ACKR2: variants seen among roughly 807,000 people sequenced by gnomAD.
The protein encoded by ACKR2 is C-C chemokine receptor D6.
For synonymous variants in ACKR2, 207 were observed against 192.2 expected, an observed-to-expected ratio of 1.08 and a Z score of -0.64; for missense variants, 457 against 477.3, an observed-to-expected ratio of 0.96 and a Z score of 0.40.
chr3:42,850,063 A>G (rs953540177), intron 2 of ACKR2, among the ~76,000 whole-genome samples: 1 of 152,054 alleles, frequency 6.6e-6, no homozygotes, highest in Non-Finnish European at 1.5e-5. Flanking sequence ...GAGGGAGAAT[A>G]AAAAAGGAGC....
chr3:42,822,247 A>G (rs4682859), intron 2 of ACKR2, among the ~76,000 whole-genome samples: 37,097 of 151,790 alleles, frequency 0.24, 6,053 homozygotes, highest in East Asian at 0.59. Flanking sequence ...TTATCTGAAC[A>G]GTAGAATACT....
chr3:42,853,204 G>A (rs974574899), intron 2 of ACKR2, among the ~76,000 whole-genome samples: 5 of 152,160 alleles, frequency 3.3e-5, no homozygotes, highest in Non-Finnish European at 4.4e-5. Flanking sequence ...GGTGCACACA[G>A]GCTGAACTCC....
intron 2 of ACKR2, among the ~76,000 whole-genome samples, chr3:42,844,524 G>A (rs1336067485): frequency 2.6e-5 from 4 of 152,172 alleles, no homozygotes; most frequent in African/African-American, 9.7e-5. Context: ...GACAGGCTTT[G>A]TTAGCCAGAG....
At chr3:42,842,663 A>G (rs893471530) in intron 2 of ACKR2, among the ~76,000 whole-genome samples, 5 of 152,192 alleles carry the variant, frequency 3.3e-5, no homozygotes, top group African/African-American at 4.8e-5. Flanking sequence ...AATATTTGAA[A>G]TTGAAGGTCA....
intron 2 of ACKR2, among the ~76,000 whole-genome samples, chr3:42,834,416 T>G (rs558357523): frequency 1.3e-5 from 2 of 152,194 alleles, no homozygotes; most frequent in South Asian, 4.2e-4. Context: ...ACTCTGTTGC[T>G]TAGACTACAG....
chr3:42,818,434 C>CTGAGTTTT (rs1399914568), intron 1 of ACKR2, among the ~76,000 whole-genome samples: 1 of 152,188 alleles, frequency 6.6e-6, no homozygotes, highest in Non-Finnish European at 1.5e-5. Flanking sequence ...AGACATGAGA[C>CTGAGTTTT]TGAGTTTTCA....
chr3:42,833,670 T>A (rs1344082114), intron 2 of ACKR2, among the ~76,000 whole-genome samples: 7 of 151,852 alleles, frequency 4.6e-5, no homozygotes, highest in African/African-American at 1.7e-4. Context: ...TGACCACACA[T>A]ACTACTTAGT....
intron 2 of ACKR2, among the ~76,000 whole-genome samples, chr3:42,828,332 A>G (rs1174726884): frequency 2.0e-5 from 3 of 151,960 alleles, no homozygotes; most frequent in Non-Finnish European, 4.4e-5. Flanking sequence ...GCTAGCCTTG[A>G]ACTCCTGACC....
intron 2 of ACKR2, among the ~76,000 whole-genome samples, chr3:42,847,157 A>G (rs190446157): frequency 1.3e-5 from 2 of 152,240 alleles, no homozygotes; most frequent in Non-Finnish European, 2.9e-5. Flanking sequence ...GTAAGTGAAG[A>G]TATTTTGATA....
At chr3:42,830,148 T>C (rs1227292014) in intron 2 of ACKR2, among the ~76,000 whole-genome samples, 1 of 152,194 alleles carries the variant, frequency 6.6e-6, no homozygotes, top group Non-Finnish European at 1.5e-5. Context: ...TCCCAAGGCC[T>C]CTCCTCCTCC....
Position 42,864,645 on chromosome 3 carries a change from T to G in ACKR2, c.143T>G (p.Phe48Cys), listed in dbSNP as rs373009278. 6 of 1,614,160 alleles carry G rather than the reference T, an allele frequency of 3.7e-6. No homozygotes were observed. The highest frequency in any genetic ancestry group is 2.2e-5 in the East Asian group (1 of 44,878). The change falls in exon 3 of 3, where the codon TTC (phenylalanine) becomes TGC (cysteine). Residue 48 changes from phenylalanine to cysteine, a missense_variant. By Grantham distance (205) the Phe-to-Cys change is radical. Transcript: ENST00000422265. ...GCAGTGGTGTCCTTTGGCAAAGTCT[T>G]CCTCCCAGTCTTCTATAGCCTGATT... ...KDAVVSFGKV[F>C]LPVFYSLIFV...
rs1007486404 is a variant in ACKR2 at position 42,866,938 on chromosome 3, A to G, written c.*1281A>G. ...ATCCAGGCTGAAGTCCAATCCCACA[A>G]TCATGGCTCACTGCAGCCACCACCT... On this transcript the variant is annotated 3_prime_UTR_variant, in exon 3 of 3. Transcript: ENST00000422265. The G allele has an allele frequency of 6.1e-6, 1 of 165,028 alleles. No homozygotes were observed. The highest frequency in any genetic ancestry group is 1.5e-5 in the Non-Finnish European group (1 of 68,042). 10.2% of individuals were successfully genotyped at this position (165,028 alleles called of 1,614,324 possible). A position where few individuals can be genotyped will look rare whatever the true frequency, so the allele number is the denominator to read the frequency against.
chr3:42,850,220 T>G (rs1310848363), intron 2 of ACKR2, among the ~76,000 whole-genome samples: 3 of 152,172 alleles, frequency 2.0e-5, no homozygotes, highest in Non-Finnish European at 4.4e-5. Flanking sequence ...TGCTTCCTTC[T>G]GCCTGAGTAA....
chr3:42,860,164 CAAAAAAAAAAAAAAAAA>C (rs565028940), intron 2 of ACKR2, among the ~76,000 whole-genome samples: 1 of 8,046 alleles, frequency 1.2e-4, no homozygotes, highest in African/African-American at 3.2e-4. Context: ...AAATGGAAAG[CAAAAAAAAAAAAAAAAA>C]AAAAAAAAGC....
In ACKR2 at chr3:42,865,803, G is replaced by A. The variant is rs763046776; in HGVS notation, c.*146G>A. ...TCTCAGCCATCAGCAGCATTTGCTC[G>A]CCCCGCCTTCTTCCTCCACTTTCTT... On this transcript the variant is annotated 3_prime_UTR_variant, in exon 3 of 3. Coordinates refer to ENST00000422265, the MANE Select transcript of ACKR2 (RefSeq NM_001296.5). 15 of 623,362 alleles carry A rather than the reference G, an allele frequency of 2.4e-5. No homozygotes were observed. Among genetic ancestry groups the A allele is most frequent in the African/African-American group, 3.7e-5 (2 of 53,990 alleles). The allele number at this position is 623,362 out of a possible 1,614,324, so 38.6% of individuals were successfully genotyped here.
chr3:42,824,532 A>T (rs4683337), intron 2 of ACKR2, among the ~76,000 whole-genome samples: 44,455 of 152,052 alleles, frequency 0.29, 7,278 homozygotes, highest in East Asian at 0.59. Flanking sequence ...CCCCTGCCCC[A>T]TGAATCTATT....
In ACKR2 at chr3:42,864,449, A is replaced by G. The variant is rs142688705; in HGVS notation, c.-37-17A>G. 48 of 1,536,738 alleles carry G rather than the reference A, an allele frequency of 3.1e-5. No homozygotes were observed. In the East Asian group the frequency reaches 7.7e-4, roughly 25 times the overall value. On this transcript the variant is annotated splice_polypyrimidine_tract_variant and intron_variant, in intron 2 of 2. Coordinates refer to ENST00000422265, the MANE Select transcript of ACKR2 (RefSeq NM_001296.5). ...AAGGTAGAGAATGCTAGGTCTCACC[A>G]TATTTTCCCCCCGCAGCACTACAGG...
intron 2 of ACKR2, among the ~76,000 whole-genome samples, chr3:42,845,449 C>T (rs1222298472): frequency 4.6e-5 from 7 of 152,106 alleles, no homozygotes; most frequent in Non-Finnish European, 1.0e-4. Flanking sequence ...GTAACCTCCA[C>T]CTCCTGGGCT....
At chr3:42,862,672 A>G (rs1212958180) in intron 2 of ACKR2, among the ~76,000 whole-genome samples, 1 of 152,310 alleles carries the variant, frequency 6.6e-6, no homozygotes, top group Middle Eastern at 3.4e-3. Flanking sequence ...ATATAAACAA[A>G]TGGAACAGAA....
Sources: allele counts gnomAD v4.1 joint callset (sites outside exome capture counted in the v4.1 genomes callset), GRCh38; gene constraint gnomAD v4.1.1; transcripts MANE v1.5; gene names NCBI Gene and HGNC (gene_info 2026-07-23, HGNC 2026-07-21).